SMG5: variants seen among roughly 807,000 people sequenced by gnomAD.
SMG5 encodes nonsense-mediated mRNA decay factor SMG5.
In SMG5, 53 loss-of-function variants were observed where a neutral mutation model predicts 122.9. The ratio of observed to expected loss-of-function variants is 0.43; its 90% CI spans 0.35 to 0.54. The LOEUF (loss-of-function observed/expected upper bound fraction) is 0.54, where lower values mean the gene tolerates loss of function less well. Ranked by LOEUF, SMG5 falls within the 20% of genes least tolerant of loss-of-function variation. The pLI is 0.01. For missense variants in SMG5, 1,153 were observed against 1,285.6 expected (o/e 0.90, Z 1.58); for synonymous variants, 477 against 490.2 (o/e 0.97, Z 0.35).
chr1:156,252,603 A>G, intron 18 of SMG5, 99 bp from the exon 19 acceptor site: 1 of 1,248,300 alleles, frequency 8.0e-7, no homozygotes, highest in South Asian at 1.3e-5. Flanking sequence ...TACACTCTTC[A>G]GGCAGAGAAG....
the SMG5 span, chr1:156,291,440 G>A: frequency 6.2e-7 from 1 of 1,613,906 alleles, no homozygotes; most frequent in African/African-American, 1.3e-5. Flanking sequence ...CTTCGGCTAC[G>A]GCCTGACGTT....
At position 156,257,370 on chromosome 1, in the gene SMG5, C is replaced by T. The variant is rs564566633; in HGVS notation, c.2442+1635G>A. ...GTGATAACGACAACACTCCTCTGGG[C>T]TGGGGATAAGCCCTTCGGGGTGGAA... On this transcript the variant is annotated intron_variant, in intron 16 of 21. Coordinates refer to ENST00000361813, the MANE Select transcript of SMG5 (RefSeq NM_015327.3). 1.4e-3 allele frequency among the ~76,000 whole-genome samples: 209 copies of T among 152,224 alleles called. 2 individuals carry two copies. The highest frequency in any genetic ancestry group is 4.7e-3 in the African/African-American group (197 of 41,536).
intron 18 of SMG5, 79 bp from the exon 19 acceptor site, chr1:156,252,583 C>T (rs1661399690): frequency 6.9e-7 from 1 of 1,444,402 alleles, no homozygotes; most frequent in African/African-American, 1.4e-5. Flanking sequence ...AGTATCTGAG[C>T]TCACCTCAGT....
chr1:156,253,041 G>C lies in SMG5; in HGVS notation c.2540C>G (p.Pro847Arg). 1 of 1,611,300 alleles carries C rather than the reference G, an allele frequency of 6.2e-7. No individual in the cohort carries two copies. Among genetic ancestry groups the C allele is most frequent in the Non-Finnish European group, 8.5e-7 (1 of 1,178,836 alleles). Residue 847 changes from proline (P) to arginine (R), a missense_variant, in exon 18 of 22, where the codon CCC becomes CGC. Pro to Arg is a moderately radical substitution (Grantham distance 103). Around this residue, in one of 5 missense-constraint regions of SMG5, gnomAD observed 140 missense variants for 227.8 expected, o/e 0.61. Transcript: ENST00000361813. Reference protein sequence around the residue: ...VSQLEGSLQQPKAQSAMSPYL... With the variant: ...VSQLEGSLQQRKAQSAMSPYL... ...GGGAGACATGGCTGACTGGGCCTTG[G>C]GCTGCTGCAGGCTGCCCTCCAGCTG...
chr1:156,273,773 T>TC (rs1662555766), intron 5 of SMG5, among the ~76,000 whole-genome samples: 1 of 145,984 alleles, frequency 6.9e-6, no homozygotes, highest in Non-Finnish European at 1.5e-5. Context: ...CAGGCTGGTC[T>TC]CCAACTCCTG....
In SMG5 at chr1:156,249,997, C is replaced by T. The variant is rs1327359236; in HGVS notation, c.*590G>A. 5 of 460,940 alleles carry T rather than the reference C, an allele frequency of 1.1e-5. No homozygotes were observed. Among genetic ancestry groups the T allele is most frequent in the Admixed American group, 4.7e-5 (2 of 42,146 alleles). The allele number at this position is 460,940 out of a possible 1,614,324, so 28.6% of individuals were successfully genotyped here. ...GCACACGAACCCTGACCCTGCTACT[C>T]GGTGCAGGCCACTCCAGGCCTTGCT... On this transcript the variant is annotated 3_prime_UTR_variant, in exon 22 of 22. Coordinates refer to ENST00000361813, the MANE Select transcript of SMG5 (RefSeq NM_015327.3).
chr1:156,269,769 G>A (rs1662319692), intron 7 of SMG5, among the ~76,000 whole-genome samples: 2 of 152,218 alleles, frequency 1.3e-5, no homozygotes, highest in Admixed American at 6.5e-5. Context: ...CAGCTACTTG[G>A]GAGGCTGAGG....
intron 1 of SMG5, 94 bp downstream of exon 1, chr1:156,282,513 C>T: frequency 7.1e-7 from 1 of 1,403,104 alleles, no homozygotes. Context: ...CGCACCTCAC[C>T]CCGACACCCG....
chr1:156,286,355 G>A (rs1404890541), upstream of SMG5: 14 of 1,614,068 alleles, frequency 8.7e-6, no homozygotes, highest in Non-Finnish European at 1.2e-5. Context: ...GCGATATGTG[G>A]CCCAGTCGGT....
intron 13 of SMG5, among the ~76,000 whole-genome samples, chr1:156,262,058 T>TCAAAA (rs1031694530): frequency 4.0e-5 from 6 of 151,594 alleles, no homozygotes; most frequent in Non-Finnish European, 5.9e-5. Context: ...AGACCTTGTT[T>TCAAAA]CAAAACAAAA....
At chr1:156,264,176 G>A (rs1339827627) in intron 12 of SMG5, among the ~76,000 whole-genome samples, 2 of 139,100 alleles carry the variant, frequency 1.4e-5, no homozygotes, top group African/African-American at 2.7e-5. Context: ...GCTGAGGCAG[G>A]AGAATTGCTT....
At chr1:156,286,548 G>C, upstream of SMG5, 1 of 1,492,494 alleles carries the variant, frequency 6.7e-7, no homozygotes, top group Non-Finnish European at 9.3e-7. Context: ...TGTCTGGAGA[G>C]CCAGGGTCAG....
intron 1 of SMG5, among the ~76,000 whole-genome samples, chr1:156,281,571 T>C (rs913020006): frequency 1.3e-5 from 2 of 152,194 alleles, no homozygotes; most frequent in Non-Finnish European, 2.9e-5. Flanking sequence ...GAAGGCAGGA[T>C]GCCTACTCAA....
rs1354453682 is a variant in SMG5, at chr1:156,279,014, T to C, written c.95A>G (p.His32Arg). 2 of 1,614,198 alleles carry C rather than the reference T, an allele frequency of 1.2e-6. No homozygotes were observed. The highest frequency in any genetic ancestry group is 1.7e-6 in the Non-Finnish European group (2 of 1,180,028). Residue 32 changes from histidine to arginine, a missense_variant, in exon 2 of 22, where the codon CAT (histidine) becomes CGT (arginine). This residue lies in a region of SMG5 where 213 missense variants were observed against 197.5 expected (regional missense o/e 1.08). Transcript: ENST00000361813. The part of the protein sequence containing the change: ...RLYRAVVEAV[H>R]RLDLILCNKT... ...GTTGCAAAGGATGAGGTCAAGTCGA[T>C]GCACAGCCTCCACCACAGCCCTGTA...
chr1:156,274,053 G>C (rs1174500617), intron 5 of SMG5, among the ~76,000 whole-genome samples: 1 of 152,150 alleles, frequency 6.6e-6, no homozygotes, highest in Non-Finnish European at 1.5e-5. Flanking sequence ...GTCCAGGAGT[G>C]GGCTGGGGGC....
intron 2 of SMG5, 125 bp downstream of exon 2, chr1:156,278,811 G>T: frequency 1.3e-6 from 1 of 745,656 alleles, no homozygotes; most frequent in East Asian, 2.6e-5. Flanking sequence ...AGAGATTTCA[G>T]AGACCATTAA....
Position 156,282,645 on chromosome 1 carries a change from C to A in SMG5, c.36G>T (p.Glu12Asp), listed in dbSNP as rs776809714. 6.2e-7 allele frequency: 1 copy of A among 1,608,190 alleles called. No homozygotes were observed. Among genetic ancestry groups the A allele is most frequent in the Non-Finnish European group, 8.5e-7 (1 of 1,179,652 alleles). The change falls in exon 1 of 22, where the codon GAG becomes GAT. Residue 12 changes from glutamate (E) to aspartate (D), a missense_variant. Around this residue, in one of 5 missense-constraint regions of SMG5, gnomAD observed 213 missense variants for 197.5 expected, o/e 1.08. Coordinates refer to ENST00000361813, the MANE Select transcript of SMG5 (RefSeq NM_015327.3). Reference protein sequence around the residue: ...SQGPPTGESSEPEAKVLHTKR... With the variant: ...SQGPPTGESSDPEAKVLHTKR... ...TAGTGTGGAGGACTTTTGCTTCGGGCTCGCTGCTCTCCCCTGTGGGGGGGC... is the reference window on the plus strand; with the variant it reads ...TAGTGTGGAGGACTTTTGCTTCGGGATCGCTGCTCTCCCCTGTGGGGGGGC...
chr1:156,253,380 A>G, intron 17 of SMG5, 69 bp downstream of exon 17: 2 of 1,498,622 alleles, frequency 1.3e-6, no homozygotes, highest in Non-Finnish European at 1.9e-6. Flanking sequence ...GAAGGGGGAG[A>G]CCTGCCAGTA....
chr1:156,274,911 C>CAGGA (rs144008616), intron 4 of SMG5, among the ~76,000 whole-genome samples: 159 of 152,038 alleles, frequency 1.0e-3, no homozygotes, highest in African/African-American at 3.7e-3. Flanking sequence ...ATTCATAGGA[C>CAGGA]AGGAAGGAAC....
Sources: gnomAD v4.1 joint callset for allele counts (sites outside exome capture counted in the v4.1 genomes callset) on GRCh38, gnomAD v4.1.1 for gene constraint, gnomAD v4.1.1 regional missense constraint, MANE v1.5 for transcripts, NCBI Gene and HGNC (gene_info 2026-07-23, HGNC 2026-07-21) for gene names.